CCDC102B: variants seen among roughly 807,000 people sequenced by gnomAD.
CCDC102B encodes coiled-coil domain-containing protein 102B.
CCDC102B carries 75 observed loss-of-function variants against 57.4 expected under a neutral mutation model. The observed-to-expected ratio is 1.31, with a 90% confidence interval of 1.08 to 1.58. The LOEUF (loss-of-function observed/expected upper bound fraction) is 1.58, where lower values mean the gene tolerates loss of function less well. CCDC102B is among the 40% of genes most tolerant of loss of function. CCDC102B has a pLI of 0.00. For synonymous variants in CCDC102B, 206 were observed against 201.9 expected (o/e 1.02, Z -0.17); for missense variants, 636 against 582.6 (o/e 1.09, Z -0.94).
At chr18:68,984,011 A>G (rs890170708) in intron 6 of CCDC102B, among the ~76,000 whole-genome samples, 1 of 152,096 alleles carries the variant, frequency 6.6e-6, no homozygotes, top group African/African-American at 2.4e-5. Flanking sequence ...CAGGAAAGTT[A>G]AGATTTTCTT....
upstream of CCDC102B, among the ~76,000 whole-genome samples, chr18:68,794,847 T>C (rs2035575670): frequency 1.3e-5 from 2 of 151,916 alleles, no homozygotes; most frequent in African/African-American, 4.8e-5. Flanking sequence ...AATGAACAAA[T>C]AATTTGTGAG....
chr18:68,881,272 TATTA>T (rs2039684914), intron 5 of CCDC102B, among the ~76,000 whole-genome samples: 1 of 152,224 alleles, frequency 6.6e-6, no homozygotes, highest in South Asian at 2.1e-4. Flanking sequence ...CATAAAGATC[TATTA>T]AAATACTCTG....
intron 6 of CCDC102B, among the ~76,000 whole-genome samples, chr18:68,948,241 G>C (rs1854557575): frequency 6.6e-6 from 1 of 152,050 alleles, no homozygotes; most frequent in Admixed American, 6.6e-5. Flanking sequence ...TACAGTTAAA[G>C]CATATTGTCG....
At chr18:68,745,240 C>T (rs568600347) in intron 2 of CCDC102B, among the ~76,000 whole-genome samples, 5 of 152,080 alleles carry the variant, frequency 3.3e-5, no homozygotes, top group South Asian at 4.2e-4. Context: ...AGAGAACATA[C>T]GGCCCTGTTT....
chr18:68,734,493 G>T (rs1371608921), intron 2 of CCDC102B, among the ~76,000 whole-genome samples: 1 of 152,192 alleles, frequency 6.6e-6, no homozygotes, highest in Admixed American at 6.5e-5. Context: ...GGCTTACGGA[G>T]AAATTTTATG....
At chr18:69,008,424 C>T (rs1156346692) in intron 6 of CCDC102B, among the ~76,000 whole-genome samples, 1 of 152,276 alleles carries the variant, frequency 6.6e-6, no homozygotes, top group East Asian at 1.9e-4. Flanking sequence ...GCTGCCCAGA[C>T]CAAATCTGTC....
chr18:68,829,215 A>G (rs2037042727), intron 1 of CCDC102B, among the ~76,000 whole-genome samples: 1 of 152,048 alleles, frequency 6.6e-6, no homozygotes, highest in Non-Finnish European at 1.5e-5. Flanking sequence ...CAGCTCATAC[A>G]TACAAAATAA....
At chr18:68,757,325 T>C (rs1436352123) in intron 2 of CCDC102B, among the ~76,000 whole-genome samples, 1 of 152,174 alleles carries the variant, frequency 6.6e-6, no homozygotes, top group African/African-American at 2.4e-5. Context: ...CATTCTTGCC[T>C]CTCCAAGGAA....
At chr18:68,816,205 C>T (rs1266801630) in intron 1 of CCDC102B, among the ~76,000 whole-genome samples, 1 of 152,148 alleles carries the variant, frequency 6.6e-6, no homozygotes, top group East Asian at 1.9e-4. Context: ...ATTTTAACTT[C>T]AGCCACAAAT....
At chr18:68,762,999 GA>G (rs34158041) in intron 2 of CCDC102B, among the ~76,000 whole-genome samples, 50 of 151,770 alleles carry the variant, frequency 3.3e-4, no homozygotes, top group African/African-American at 9.2e-4. Flanking sequence ...CCTTAGGGGG[GA>G]AAAAAGCTTC....
intron 6 of CCDC102B, among the ~76,000 whole-genome samples, chr18:68,999,057 A>T (rs2051128896): frequency 6.7e-6 from 1 of 150,224 alleles, no homozygotes; most frequent in Non-Finnish European, 1.5e-5. Context: ...TAAAATAATG[A>T]ACATTATTGA....
chr18:68,956,150 C>G (rs1469777257), intron 6 of CCDC102B, among the ~76,000 whole-genome samples: 40 of 150,996 alleles, frequency 2.6e-4, no homozygotes, highest in Non-Finnish European at 1.6e-4. Context: ...GGATATCATC[C>G]TTCATGACTG....
chr18:69,011,334 T>G lies in CCDC102B; in HGVS notation c.1434+230T>G. 3 of 467,854 alleles carry G rather than the reference T, an allele frequency of 6.4e-6. No homozygotes were observed. In the Middle Eastern group the frequency reaches 1.6e-3, roughly 257 times the overall value. The allele number at this position is 467,854 out of a possible 1,614,324, so 29.0% of individuals were successfully genotyped here. On this transcript the variant is annotated intron_variant, in intron 7 of 7. Coordinates refer to ENST00000360242, the MANE Select transcript of CCDC102B (RefSeq NM_024781.3). ...TACGAGTGCTCTATAGTGTCAGTAC[T>G]TCAGCATGACCTTGTGTGCACGTGC...
chr18:68,866,446 A>T (rs1032829447), intron 4 of CCDC102B: 2 of 152,812 alleles, frequency 1.3e-5, no homozygotes, highest in Non-Finnish European at 2.9e-5. Flanking sequence ...ATCATTGCTT[A>T]TAGTAAAGTG....
chr18:68,771,232 T>C (rs1404283134), intron 2 of CCDC102B, among the ~76,000 whole-genome samples: 2 of 152,142 alleles, frequency 1.3e-5, no homozygotes, highest in African/African-American at 2.4e-5. Flanking sequence ...TCCAGGGTGA[T>C]GTGGTCAAAG....
At position 68,837,065 on chromosome 18, in the gene CCDC102B, A is replaced by G; in HGVS notation, c.302A>G (p.Asn101Ser). ...CGGTGGTGGTCGGACTGCACTGCCA[A>G]CTGGAGAGAAAAATGGAGTAAAGTT... ...TMRWWSDCTA[N>S]WREKWSKVRA... The change falls in exon 2 of 8, where the codon AAC becomes AGC. Residue 101 changes from asparagine (N) to serine (S), a missense_variant. Coordinates refer to ENST00000360242, the MANE Select transcript of CCDC102B (RefSeq NM_024781.3). 1 of 1,614,200 alleles carries G rather than the reference A, an allele frequency of 6.2e-7. No individual in the cohort carries two copies. Among genetic ancestry groups the G allele is most frequent in the Non-Finnish European group, 8.5e-7 (1 of 1,180,040 alleles).
chr18:68,926,602 C>G (rs554914331), intron 6 of CCDC102B, among the ~76,000 whole-genome samples: 1 of 151,810 alleles, frequency 6.6e-6, no homozygotes, highest in East Asian at 1.9e-4. Flanking sequence ...TGTTATTTCA[C>G]GTATATTAAA....
intron 1 of CCDC102B, among the ~76,000 whole-genome samples, chr18:68,817,389 A>T (rs967948806): frequency 6.6e-6 from 1 of 152,212 alleles, no homozygotes; most frequent in Non-Finnish European, 1.5e-5. Flanking sequence ...GGAACTCAAC[A>T]TTTGAATTTA....
rs1294354356 is a variant in CCDC102B, at chr18:68,846,699, A to G, written c.936+278A>G. ...TATTCTATATATTTAAGATATAAAA[A>G]TGATGTTTTGATATCCATATTGATA... is the stretch of plus-strand genomic sequence containing the variant. On this transcript the variant is annotated intron_variant, in intron 4 of 7. Transcript: ENST00000360242. Among the ~76,000 whole-genome samples, 3 of 151,952 alleles carry G rather than the reference A, an allele frequency of 2.0e-5. No homozygotes were observed. In the South Asian group the frequency reaches 6.2e-4, roughly 31 times the overall value.
Sources: gnomAD v4.1 joint callset for allele counts (sites outside exome capture counted in the v4.1 genomes callset) on GRCh38, gnomAD v4.1.1 for gene constraint, MANE v1.5 for transcripts, NCBI Gene and HGNC (gene_info 2026-07-23, HGNC 2026-07-21) for gene names.